RBM33: variants seen among roughly 807,000 people sequenced by gnomAD.
RBM33 encodes RNA-binding protein 33.
In RBM33, 28 loss-of-function variants were observed where a neutral mutation model predicts 132.6. The ratio of observed to expected loss-of-function variants is 0.21; its 90% CI spans 0.16 to 0.29. RBM33 has a LOEUF of 0.29. Among genes scored for constraint, RBM33 ranks in the 10% least tolerant of loss-of-function variants. The pLI is 1.00. For missense variants in RBM33, 1,291 were observed against 1,518.5 expected (o/e 0.85, Z 2.49); for synonymous variants, 634 against 593.0 (o/e 1.07, Z -1.01).
rs1178265693 is a variant in RBM33 at position 155,777,048 on chromosome 7, C to CT, written c.*2020dup. ...TGATACAATGAAATGAGTTTCATGA[C>CT]TTTTTTTTTTTTTAAACACTTTTTG... On this transcript the variant is annotated 3_prime_UTR_variant, in exon 18 of 18. Transcript: ENST00000401878. 5,619 of 145,938 alleles carry CT rather than the reference C, an allele frequency of 0.039. 327 individuals are homozygous for CT. Among genetic ancestry groups the CT allele is most frequent in the African/African-American group, 0.13 (5,202 of 39,998 alleles). 9.0% of individuals were successfully genotyped at this position (145,938 alleles called of 1,614,324 possible). A position where few individuals can be genotyped will look rare whatever the true frequency, so the allele number is the denominator to read the frequency against.
At chr7:155,740,393 A>G (rs1801292573) in intron 12 of RBM33, among the ~76,000 whole-genome samples, 3 of 152,218 alleles carry the variant, frequency 2.0e-5, no homozygotes, top group Admixed American at 2.0e-4. Context: ...TTTGATGTAT[A>G]GATTATCTCT....
Position 155,763,886 on chromosome 7 carries a change from A to G in RBM33, c.3054A>G (p.Pro1018=). Reference sequence around the variant, plus strand: ...TTCCCCAGCCTCCGGAAGTGGGACCACAGCCTGCCCGCAAGGTGACGCTGA... The same window carrying G: ...TTCCCCAGCCTCCGGAAGTGGGACCGCAGCCTGCCCGCAAGGTGACGCTGA... The part of the protein sequence containing the change: ...QRLPQPPEVG[P]QPARKVTLTR... Residue 1018 remains proline (P), a synonymous_variant, in exon 15 of 18, where the codon CCA becomes CCG. Transcript: ENST00000401878. The G allele has an allele frequency of 6.2e-7, 1 of 1,611,368 alleles. No homozygotes were observed. The highest frequency in any genetic ancestry group is 8.5e-7 in the Non-Finnish European group (1 of 1,178,886).
rs116273314 is a variant in RBM33 at position 155,774,225 on chromosome 7, A to T, written c.3376-334A>T. On this transcript the variant is annotated intron_variant, in intron 16 of 17. Transcript: ENST00000401878. This position sits in a 1 kb window ranked among gnomAD's most constrained non-coding sequence, Gnocchi z 4.2. ...AAATCACCTGATAAGAAGGCGTGAG[A>T]AGAGGAGATGTCTCTATCCAAGGGT... is the stretch of plus-strand genomic sequence containing the variant. Among the ~76,000 whole-genome samples the T allele has an allele frequency of 4.9e-4, 75 of 152,312 alleles. No individual in the cohort carries two copies. The highest frequency in any genetic ancestry group is 1.7e-3 in the African/African-American group (72 of 41,566).
At chr7:155,714,041 A>G (rs1428526065) in intron 8 of RBM33, among the ~76,000 whole-genome samples, 1 of 151,986 alleles carries the variant, frequency 6.6e-6, no homozygotes, top group Non-Finnish European at 1.5e-5. Context: ...AGGTCTGAGG[A>G]GAGGCGCTTT....
chr7:155,684,344 T>G (rs10230730), intron 5 of RBM33, among the ~76,000 whole-genome samples: 2,465 of 152,318 alleles, frequency 0.016, 59 homozygotes, highest in African/African-American at 0.055. Context: ...TTTTCTTCTC[T>G]GCAGTTGCGG....
intron 5 of RBM33, among the ~76,000 whole-genome samples, chr7:155,693,089 A>G (rs528799845): frequency 1.3e-5 from 2 of 152,338 alleles, no homozygotes; most frequent in Middle Eastern, 3.4e-3. Context: ...CAAAAAAAAC[A>G]AAAAGTCTAT....
intron 3 of RBM33, among the ~76,000 whole-genome samples, chr7:155,673,368 TGAA>T (rs1428809787): frequency 6.6e-6 from 1 of 151,696 alleles, no homozygotes; most frequent in Non-Finnish European, 1.5e-5. Flanking sequence ...ATCTTTTTGA[TGAA>T]ATAAAAAATT....
At chr7:155,723,788 G>T (rs1003173552) in intron 9 of RBM33, among the ~76,000 whole-genome samples, 1 of 152,156 alleles carries the variant, frequency 6.6e-6, no homozygotes, top group Non-Finnish European at 1.5e-5. Context: ...TGGAGCTGTT[G>T]AGCTACTTTG....
chr7:155,732,792 T>TAGA (rs1334152452), intron 9 of RBM33, among the ~76,000 whole-genome samples: 1 of 152,142 alleles, frequency 6.6e-6, no homozygotes, highest in Non-Finnish European at 1.5e-5. Context: ...GTGGAATCAC[T>TAGA]AGAAGGTGCT....
At chr7:155,702,882 C>T (rs1458654861) in intron 6 of RBM33, among the ~76,000 whole-genome samples, 5 of 152,166 alleles carry the variant, frequency 3.3e-5, no homozygotes, top group African/African-American at 7.2e-5. Context: ...CAGGTAGCTA[C>T]AAGTTCTAAG....
At chr7:155,725,996 T>C (rs73734712) in intron 9 of RBM33, among the ~76,000 whole-genome samples, 3,763 of 152,246 alleles carry the variant, frequency 0.025, 141 homozygotes, top group African/African-American at 0.085. Flanking sequence ...GATTAACATA[T>C]TGTGATAGAG....
intron 9 of RBM33, among the ~76,000 whole-genome samples, chr7:155,736,254 G>A (rs1387684869): frequency 6.6e-6 from 1 of 152,218 alleles, no homozygotes; most frequent in African/African-American, 2.4e-5. Flanking sequence ...AGGGAACAGT[G>A]AGTTAGTGAT....
intron 15 of RBM33, 42 bp downstream of exon 15, chr7:155,764,060 G>A (rs1383358743): frequency 1.4e-6 from 2 of 1,440,760 alleles, no homozygotes; most frequent in South Asian, 1.4e-5. Flanking sequence ...AAACGCGAAG[G>A]CCGGTGTGAG....
At chr7:155,664,757 A>G (rs1160955138) in intron 1 of RBM33, among the ~76,000 whole-genome samples, 1 of 152,216 alleles carries the variant, frequency 6.6e-6, no homozygotes, top group African/African-American at 2.4e-5. Flanking sequence ...TATTTTGCTT[A>G]AATGGAATCT....
chr7:155,770,165 A>G (rs1255028280), intron 16 of RBM33, among the ~76,000 whole-genome samples: 3 of 152,252 alleles, frequency 2.0e-5, no homozygotes, highest in African/African-American at 7.2e-5. Flanking sequence ...GGGAAGTGCC[A>G]GAATTGGTGT....
intron 6 of RBM33, among the ~76,000 whole-genome samples, chr7:155,705,439 T>G (rs1220676834): frequency 6.6e-6 from 1 of 152,206 alleles, no homozygotes; most frequent in East Asian, 1.9e-4. Flanking sequence ...AAGAAGAGAT[T>G]AAATTTTCTT....
rs1453210484 is a variant in RBM33, at chr7:155,700,901, C to T, written c.696C>T (p.Leu232=). The stretch of plus-strand genomic sequence containing the variant: ...GGAAAGAAGGAACAATTATTAGGCT[C>T]TCAGATGTAACTAGAGAGAGAAGGA... ...TERKEGTIIR[L]SDVTRERRNI... is the part of the protein sequence containing the mutation. Residue 232 remains leucine (L), a synonymous_variant, in exon 6 of 18, where the codon CTC becomes CTT. Coordinates refer to ENST00000401878, the MANE Select transcript of RBM33 (RefSeq NM_053043.3). The T allele has an allele frequency of 1.9e-6, 3 of 1,613,050 alleles. No homozygotes were observed. The highest frequency in any genetic ancestry group is 2.5e-6 in the Non-Finnish European group (3 of 1,179,598).
At chr7:155,726,182 T>C (rs1443115120) in intron 9 of RBM33, among the ~76,000 whole-genome samples, 2 of 152,248 alleles carry the variant, frequency 1.3e-5, no homozygotes, top group Non-Finnish European at 2.9e-5. Flanking sequence ...GGTTGTAATG[T>C]ATTGAAAGAT....
chr7:155,692,332 G>A (rs895574791), intron 5 of RBM33, among the ~76,000 whole-genome samples: 4 of 152,140 alleles, frequency 2.6e-5, no homozygotes, highest in African/African-American at 7.2e-5. Flanking sequence ...TTTTCTGAGG[G>A]TCCTTCATTT....
Sources: gnomAD v4.1 joint callset for allele counts (sites outside exome capture counted in the v4.1 genomes callset) on GRCh38, gnomAD v4.1.1 for gene constraint, Gnocchi (gnomAD v3.1) non-coding constraint, MANE v1.5 for transcripts, NCBI Gene and HGNC (gene_info 2026-07-23, HGNC 2026-07-21) for gene names.